SHISA6: variants seen among roughly 807,000 people sequenced by gnomAD.
SHISA6 encodes shisa family member 6.
A neutral mutation model predicts 47.9 loss-of-function variants in SHISA6; 22 were observed. The ratio of observed to expected loss-of-function variants is 0.46; its 90% CI spans 0.33 to 0.66. The LOEUF (loss-of-function observed/expected upper bound fraction) is 0.66, where lower values mean the gene tolerates loss of function less well. SHISA6 is among the 30% of genes least tolerant of loss of function. SHISA6 has a pLI of 0.02. For synonymous variants in SHISA6, 388 were observed against 337.8 expected (o/e 1.15, Z -1.63); for missense variants, 680 against 764.6 (o/e 0.89, Z 1.30).
intron 2 of SHISA6, among the ~76,000 whole-genome samples, chr17:11,376,014 A>G (rs536104692): frequency 6.6e-6 from 1 of 152,276 alleles, no homozygotes; most frequent in East Asian, 1.9e-4. Context: ...CTTATGCTTC[A>G]CGGAACTTTG....
chr17:11,303,982 C>T (rs2142179931), intron 2 of SHISA6, among the ~76,000 whole-genome samples: 1 of 152,328 alleles, frequency 6.6e-6, no homozygotes, highest in South Asian at 2.1e-4. Context: ...TGACCGGCTC[C>T]ATATCCAGGA....
At chr17:11,406,183 G>A (rs899448323) in intron 3 of SHISA6, among the ~76,000 whole-genome samples, 18 of 152,144 alleles carry the variant, frequency 1.2e-4, no homozygotes. Context: ...AACCACATAG[G>A]CAGTGGTACG....
chr17:11,419,236 GAAAAAAGA>G (rs1597503808), intron 3 of SHISA6, among the ~76,000 whole-genome samples: 1 of 144,938 alleles, frequency 6.9e-6, no homozygotes, highest in East Asian at 2.0e-4. Context: ...ATTTAAAAAA[GAAAAAAGA>G]AAAAAAGAAA....
chr17:11,248,772 A>G lies in SHISA6; in HGVS notation c.638+6712A>G, dbSNP rs558570679. On this transcript the variant is annotated intron_variant, in intron 1 of 5. Coordinates refer to ENST00000441885, the MANE Select transcript of SHISA6 (RefSeq NM_207386.4). ...GTAATGCGGACTATTGAAGAAGGAA[A>G]ATAACAGCACAACCAAAGAGTTGTG... Among the ~76,000 whole-genome samples the G allele has an allele frequency of 5.3e-5, 8 of 152,314 alleles. No individual in the cohort carries two copies. In the South Asian group the frequency reaches 1.0e-3, roughly 20 times the overall value.
At chr17:11,403,111 A>G (rs1352884536) in intron 3 of SHISA6, among the ~76,000 whole-genome samples, 1 of 152,168 alleles carries the variant, frequency 6.6e-6, no homozygotes, top group African/African-American at 2.4e-5. Flanking sequence ...AGATTATGCT[A>G]ATGTACCAAG....
intron 2 of SHISA6, among the ~76,000 whole-genome samples, chr17:11,266,159 T>C (rs1908417516): frequency 6.6e-6 from 1 of 152,226 alleles, no homozygotes; most frequent in Non-Finnish European, 1.5e-5. Context: ...GAACTTTGCA[T>C]GAGTGTTCAA....
intron 3 of SHISA6, among the ~76,000 whole-genome samples, chr17:11,540,277 C>A (rs1388847826): frequency 6.6e-6 from 1 of 152,198 alleles, no homozygotes. Context: ...CTAGGTTTCT[C>A]ATTCTGTGGC....
At chr17:11,250,976 C>T (rs533717745) in intron 1 of SHISA6, among the ~76,000 whole-genome samples, 4 of 152,226 alleles carry the variant, frequency 2.6e-5, no homozygotes, top group East Asian at 1.9e-4. Context: ...TGCATTATCT[C>T]GCTGCATCCT....
At chr17:11,411,522 G>C (rs996339690) in intron 3 of SHISA6, among the ~76,000 whole-genome samples, 1 of 152,110 alleles carries the variant, frequency 6.6e-6, no homozygotes, top group Non-Finnish European at 1.5e-5. Flanking sequence ...TCAGCCTCCT[G>C]AGTAGCTGGG....
chr17:11,496,612 G>A (rs529133927), intron 3 of SHISA6, among the ~76,000 whole-genome samples: 24 of 152,174 alleles, frequency 1.6e-4, no homozygotes, highest in Non-Finnish European at 1.0e-4. Flanking sequence ...GGTGGCAGGC[G>A]CCTGTAATCC....
intron 2 of SHISA6, among the ~76,000 whole-genome samples, chr17:11,282,901 C>T (rs1459319604): frequency 2.0e-5 from 3 of 152,188 alleles, no homozygotes; most frequent in African/African-American, 7.2e-5. Flanking sequence ...TTCCCCAAAA[C>T]CACATTCCAC....
intron 2 of SHISA6, among the ~76,000 whole-genome samples, chr17:11,311,464 A>G (rs1240101009): frequency 1.3e-5 from 2 of 152,172 alleles, no homozygotes; most frequent in Admixed American, 6.5e-5. Flanking sequence ...TGGAAAATGT[A>G]TTACAAATCT....
At chr17:11,329,021 T>C (rs1235503598) in intron 2 of SHISA6, among the ~76,000 whole-genome samples, 1 of 152,230 alleles carries the variant, frequency 6.6e-6, no homozygotes, top group Non-Finnish European at 1.5e-5. Flanking sequence ...TAATAAATAG[T>C]ACTCAGTGGA....
intron 2 of SHISA6, among the ~76,000 whole-genome samples, chr17:11,335,896 C>T (rs1220814810): frequency 6.6e-6 from 1 of 152,054 alleles, no homozygotes. Flanking sequence ...CGAGTTATGC[C>T]TTACAAAACC....
At chr17:11,301,254 G>A (rs1489727944) in intron 2 of SHISA6, among the ~76,000 whole-genome samples, 3 of 152,052 alleles carry the variant, frequency 2.0e-5, no homozygotes, top group Non-Finnish European at 4.4e-5. Flanking sequence ...AGTTGAAGTT[G>A]CACTGTTTAT....
At chr17:11,301,192 A>G (rs1241394831) in intron 2 of SHISA6, among the ~76,000 whole-genome samples, 2 of 151,872 alleles carry the variant, frequency 1.3e-5, no homozygotes, top group Admixed American at 6.6e-5. Context: ...CTTCCTCCCT[A>G]ACAGCCTATG....
In SHISA6 at chr17:11,263,536, A is replaced by G. The variant is rs551266716; in HGVS notation, c.799+10A>G. 5.8e-4 allele frequency: 894 copies of G among 1,551,578 alleles called. No homozygotes were observed. The highest frequency in any genetic ancestry group is 7.5e-4 in the Non-Finnish European group (855 of 1,146,898). On this transcript the variant is annotated intron_variant, in intron 2 of 5. Transcript: ENST00000441885. Reference sequence around the variant, plus strand: ...GCCAAGCAGACTCCAGGTAAGTAACAGCTGGGCACCTTGATTCTTTGCTGA... The same window carrying G: ...GCCAAGCAGACTCCAGGTAAGTAACGGCTGGGCACCTTGATTCTTTGCTGA...
At chr17:11,426,704 A>AT (rs1160204860) in intron 3 of SHISA6, among the ~76,000 whole-genome samples, 5 of 152,152 alleles carry the variant, frequency 3.3e-5, no homozygotes, top group East Asian at 1.9e-4. Context: ...GTAAATAGAG[A>AT]TTTTTTACAT....
At chr17:11,412,441 A>G (rs940966737) in intron 3 of SHISA6, among the ~76,000 whole-genome samples, 2 of 152,198 alleles carry the variant, frequency 1.3e-5, no homozygotes, top group Non-Finnish European at 2.9e-5. Flanking sequence ...GGTAAGAAAC[A>G]TAAATATGAT....
Sources: allele counts gnomAD v4.1 joint callset (sites outside exome capture counted in the v4.1 genomes callset), GRCh38; gene constraint gnomAD v4.1.1; transcripts MANE v1.5; gene names NCBI Gene and HGNC (gene_info 2026-07-23, HGNC 2026-07-21).